The following ZNF701 variants were observed in gnomAD, a reference collection of about 807,000 sequenced individuals.
The protein encoded by ZNF701 is zinc finger protein 701.
ZNF701 carries 6 observed loss-of-function variants against 7.1 expected under a neutral mutation model. That is an observed-to-expected ratio of 0.84 (90% CI 0.46 to 1.66). The LOEUF is 1.66. Among genes scored for constraint, ZNF701 ranks in the 40% most tolerant of loss-of-function variants. The pLI, the probability that ZNF701 is intolerant of heterozygous loss-of-function variation, is 0.01. For missense variants in ZNF701, 541 were observed against 559.2 expected, an observed-to-expected ratio of 0.97 and a Z score of 0.33; for synonymous variants, 166 against 188.2, an observed-to-expected ratio of 0.88 and a Z score of 0.97.
intron 2 of ZNF701, among the ~76,000 whole-genome samples, chr19:52,574,392 C>A (rs1752563772): frequency 6.6e-6 from 1 of 152,082 alleles, no homozygotes; most frequent in Admixed American, 6.6e-5. Context: ...AGGGCTCACA[C>A]CCAGACATGT....
the ZNF701 span, chr19:52,597,063 A>G: frequency 7.9e-7 from 1 of 1,262,834 alleles, no homozygotes; most frequent in Non-Finnish European, 1.1e-6. Flanking sequence ...AAATCACTGG[A>G]GAATCCATAA....
Position 52,587,100 on chromosome 19 carries a change from A to T in ZNF701, c.*3643A>T, listed in dbSNP as rs1487291202. Reference sequence around the variant, plus strand: ...CCTACACATCTCAGATGAGGGTGACAGTGTACTTCTGGGTGCTTAGCTGAG... The same window carrying T: ...CCTACACATCTCAGATGAGGGTGACTGTGTACTTCTGGGTGCTTAGCTGAG... On this transcript the variant is annotated 3_prime_UTR_variant, in exon 4 of 4. Coordinates refer to ENST00000391785, the MANE Select transcript of ZNF701 (RefSeq NM_018260.3). The T allele has an allele frequency of 1.3e-5, 2 of 152,208 alleles. No individual in the cohort carries two copies. Among genetic ancestry groups the T allele is most frequent in the Admixed American group, 6.5e-5 (1 of 15,274 alleles). The allele number at this position is 152,208 out of a possible 1,614,324, so 9.4% of individuals were successfully genotyped here.
intron 2 of ZNF701, among the ~76,000 whole-genome samples, chr19:52,575,135 AATTTTTGT>A (rs1313910357): frequency 1.3e-5 from 2 of 151,984 alleles, no homozygotes; most frequent in Non-Finnish European, 2.9e-5. Context: ...ACGCCCGGAT[AATTTTTGT>A]ATTTTTTAGT....
At chr19:52,572,385 TTG>T in intron 1 of ZNF701, 1 of 1,288,764 alleles carries the variant, frequency 7.8e-7, no homozygotes, top group Non-Finnish European at 1.0e-6. Context: ...AGCTGTGTCT[TTG>T]TACATCTGCA....
chr19:52,577,236 A>C (rs1600075790), intron 3 of ZNF701, among the ~76,000 whole-genome samples: 1 of 151,984 alleles, frequency 6.6e-6, no homozygotes, highest in Admixed American at 6.6e-5. Context: ...AGTAGCTGGG[A>C]CTGTAGGCGC....
chr19:52,599,950 T>C, the ZNF701 span, among the ~76,000 whole-genome samples: 1 of 151,910 alleles, frequency 6.6e-6, no homozygotes, highest in Non-Finnish European at 1.5e-5. Flanking sequence ...CCAAGTAGAG[T>C]CAGGATGAAC....
chr19:52,585,633 C>G lies in ZNF701; in HGVS notation c.*2176C>G, dbSNP rs2060005944. 6.6e-6 allele frequency: 1 copy of G among 151,800 alleles called. No homozygotes were observed. 9.4% of individuals were successfully genotyped at this position (151,800 alleles called of 1,614,324 possible). A position where few individuals can be genotyped will look rare whatever the true frequency, so the allele number is the denominator to read the frequency against. On this transcript the variant is annotated 3_prime_UTR_variant, in exon 4 of 4. Transcript: ENST00000391785. ...TTTACTCAACCAAGAAAGCACCCCACAGGGTGGGGGTGGGCCCAAGCGAGC... is the reference window on the plus strand; with the variant it reads ...TTTACTCAACCAAGAAAGCACCCCAGAGGGTGGGGGTGGGCCCAAGCGAGC...
chr19:52,570,604 C>T (rs2059891300), intron 1 of ZNF701: 1 of 152,276 alleles, frequency 6.6e-6, no homozygotes, highest in African/African-American at 2.4e-5. Flanking sequence ...TTAACTCCTC[C>T]CTCCCCGCGC....
At chr19:52,596,857 A>T in the ZNF701 span, 1 of 549,274 alleles carries the variant, frequency 1.8e-6, no homozygotes, top group Non-Finnish European at 3.7e-6. Flanking sequence ...ATACTGTCTA[A>T]GGTTTCTAAT....
chr19:52,594,556 C>G, the ZNF701 span, among the ~76,000 whole-genome samples: 1 of 150,826 alleles, frequency 6.6e-6, no homozygotes, highest in African/African-American at 2.4e-5. Context: ...TCTTGTTGCC[C>G]AGGCTGGAGT....
chr19:52,583,737 G>A lies in ZNF701; in HGVS notation c.*280G>A. 1 of 722,472 alleles carries A rather than the reference G, an allele frequency of 1.4e-6. No homozygotes were observed. Among genetic ancestry groups the A allele is most frequent in the Non-Finnish European group, 2.5e-6 (1 of 404,822 alleles). 44.8% of individuals were successfully genotyped at this position (722,472 alleles called of 1,614,324 possible). The stretch of plus-strand genomic sequence containing the variant: ...TAATGAGTGTGGCAGAGCCTTTGGT[G>A]GTCAGTCAACACTTACTCACCATCA... On this transcript the variant is annotated 3_prime_UTR_variant, in exon 4 of 4. Coordinates refer to ENST00000391785, the MANE Select transcript of ZNF701 (RefSeq NM_018260.3).
the ZNF701 span, among the ~76,000 whole-genome samples, chr19:52,599,249 T>G: frequency 5.3e-5 from 8 of 151,192 alleles, no homozygotes; most frequent in African/African-American, 1.9e-4. Flanking sequence ...GACCCAGGGG[T>G]GTATTTTTGA....
intron 1 of ZNF701, chr19:52,572,767 T>G: frequency 2.6e-6 from 1 of 389,800 alleles, no homozygotes; most frequent in South Asian, 2.0e-5. Context: ...CAGCCCTGTG[T>G]CCAGGGCCCC....
At chr19:52,594,774 A>G in the ZNF701 span, among the ~76,000 whole-genome samples, 2 of 151,798 alleles carry the variant, frequency 1.3e-5, no homozygotes, top group South Asian at 2.1e-4. Context: ...TGGCCTCCCA[A>G]AGTGCTGGGA....
At chr19:52,570,845 A>G (rs1000823831) in intron 1 of ZNF701, 1 of 152,280 alleles carries the variant, frequency 6.6e-6, no homozygotes, top group Non-Finnish European at 1.5e-5. Flanking sequence ...ACTTTCCTTG[A>G]GCCAGCGTTG....
Position 52,582,867 on chromosome 19 carries a change from T to C in ZNF701, c.808T>C (p.Tyr270His). ...TAGATGTCACACTGGTGAGAATCCT[T>C]ACACGTGTAATGAGTGTGGCAAGAC... ...CHRCHTGENP[Y>H]TCNECGKTFS... Residue 270 changes from tyrosine to histidine, a missense_variant, in exon 4 of 4, where the codon TAC becomes CAC. Tyr to His is a moderately conservative substitution (Grantham distance 83). Coordinates refer to ENST00000391785, the MANE Select transcript of ZNF701 (RefSeq NM_018260.3). The C allele has an allele frequency of 6.2e-7, 1 of 1,613,150 alleles. No homozygotes were observed. The highest frequency in any genetic ancestry group is 1.7e-4 in the Middle Eastern group (1 of 6,058).
At chr19:52,580,402 T>G (rs1477172672) in intron 3 of ZNF701, among the ~76,000 whole-genome samples, 2 of 152,158 alleles carry the variant, frequency 1.3e-5, no homozygotes, top group Non-Finnish European at 2.9e-5. Context: ...TGTTTTTGTA[T>G]TTTTAGTAGA....
downstream of ZNF701, among the ~76,000 whole-genome samples, chr19:52,590,107 G>GTTT (rs5828512): frequency 2.2e-3 from 297 of 137,336 alleles, 2 homozygotes; most frequent in South Asian, 5.2e-3. Context: ...TTTTTTTATT[G>GTTT]TTTTTTTTTT....
downstream of ZNF701, among the ~76,000 whole-genome samples, chr19:52,587,516 C>A (rs916103904): frequency 1.3e-5 from 2 of 152,168 alleles, no homozygotes; most frequent in African/African-American, 4.8e-5. Flanking sequence ...ATATTACTTT[C>A]TCTATGGAAA....
Sources: allele counts gnomAD v4.1 joint callset (sites outside exome capture counted in the v4.1 genomes callset), GRCh38; gene constraint gnomAD v4.1.1; transcripts MANE v1.5; gene names NCBI Gene and HGNC (gene_info 2026-07-23, HGNC 2026-07-21).